SV2C: variants seen among roughly 807,000 people sequenced by gnomAD.
SV2C encodes the protein solute carrier family 22 member B3.
Under a neutral mutation model 79.7 loss-of-function variants are expected in SV2C, and 49 were observed. The observed-to-expected ratio is 0.61, with a 90% confidence interval of 0.49 to 0.78. The LOEUF (loss-of-function observed/expected upper bound fraction) is 0.78, where lower values mean the gene tolerates loss of function less well. SV2C is among the 30% of genes least tolerant of loss of function. The probability of loss-of-function intolerance (pLI) is 0.00; values close to 1 mark genes in which losing one functional copy is unlikely to be tolerated. For synonymous variants in SV2C, 334 were observed against 333.2 expected (o/e 1.00, Z -0.03); for missense variants, 833 against 912.9 (o/e 0.91, Z 1.13).
intron 4 of SV2C, among the ~76,000 whole-genome samples, chr5:76,233,707 T>A (rs1745513284): frequency 6.6e-6 from 1 of 151,402 alleles, no homozygotes; most frequent in Admixed American, 6.5e-5. Context: ...TCATGTGGTT[T>A]TTGTCTTTGG....
At chr5:76,119,008 C>T (rs1748384888) in intron 1 of SV2C, among the ~76,000 whole-genome samples, 2 of 152,090 alleles carry the variant, frequency 1.3e-5, no homozygotes, top group Admixed American at 1.3e-4. Flanking sequence ...GGAAAGACAT[C>T]AAAACTATGT....
chr5:75,948,475 C>A, the SV2C span, among the ~76,000 whole-genome samples: 21 of 151,854 alleles, frequency 1.4e-4, no homozygotes. Context: ...AGGAAAGAGA[C>A]AAGAAAAGAG....
chr5:76,269,927 A>G (rs1746788188), intron 4 of SV2C, among the ~76,000 whole-genome samples: 1 of 152,178 alleles, frequency 6.6e-6, no homozygotes, highest in South Asian at 2.1e-4. Context: ...AGCAGGACCA[A>G]TCATTTCCAC....
intron 4 of SV2C, among the ~76,000 whole-genome samples, chr5:76,230,793 G>GA (rs377572907): frequency 8.1e-5 from 12 of 148,062 alleles, no homozygotes; most frequent in South Asian, 2.1e-4. Flanking sequence ...TGTCTCAGAA[G>GA]AAAAAAAAAG....
chr5:76,175,355 A>G (rs1035811840), intron 2 of SV2C, among the ~76,000 whole-genome samples: 10 of 152,324 alleles, frequency 6.6e-5, no homozygotes, highest in Middle Eastern at 3.4e-3. Flanking sequence ...ATTTTACTCA[A>G]ATGGCCCAGG....
At chr5:76,312,134 G>T (rs1748463610) in intron 12 of SV2C, among the ~76,000 whole-genome samples, 1 of 151,938 alleles carries the variant, frequency 6.6e-6, no homozygotes, top group South Asian at 2.1e-4. Flanking sequence ...GCTCATTCCA[G>T]TTCTAGGTTT....
the SV2C span, among the ~76,000 whole-genome samples, chr5:76,055,006 G>T: frequency 6.6e-6 from 1 of 152,124 alleles, no homozygotes. Flanking sequence ...AGTTTAATTA[G>T]ATCCCATTTG....
At chr5:76,289,164 G>A (rs562008152) in intron 6 of SV2C, among the ~76,000 whole-genome samples, 2 of 152,332 alleles carry the variant, frequency 1.3e-5, no homozygotes, top group South Asian at 4.2e-4. Flanking sequence ...TGGAATTGCA[G>A]ATGTGAGTCA....
chr5:76,234,587 A>T (rs1745552675), intron 4 of SV2C, among the ~76,000 whole-genome samples: 1 of 152,176 alleles, frequency 6.6e-6, no homozygotes, highest in African/African-American at 2.4e-5. Context: ...CATCATAACA[A>T]CCTGATTTCA....
chr5:76,067,860 T>TTC, the SV2C span, among the ~76,000 whole-genome samples: 9 of 152,126 alleles, frequency 5.9e-5, no homozygotes, highest in Admixed American at 1.3e-4. Context: ...ATAAATAGTA[T>TTC]CTTTTCCAAT....
chr5:76,099,875 T>A (rs1451713560), intron 1 of SV2C, among the ~76,000 whole-genome samples: 5 of 152,180 alleles, frequency 3.3e-5, no homozygotes, highest in Non-Finnish European at 5.9e-5. Context: ...GAGAGTGTAT[T>A]TTTTAGGCTC....
At chr5:75,948,174 A>C in the SV2C span, among the ~76,000 whole-genome samples, 3 of 152,042 alleles carry the variant, frequency 2.0e-5, no homozygotes, top group Non-Finnish European at 4.4e-5. Flanking sequence ...CTCCCCAACT[A>C]GGCTGAAAGC....
chr5:76,098,456 C>T lies in SV2C; in HGVS notation c.-102+14944C>T, dbSNP rs546567686. ...GATGCTGCTCAGTGGGCCTTTTTGTCTAAAGCTGGAGTATTGATAAAGGCA... is the reference window on the plus strand; with the variant it reads ...GATGCTGCTCAGTGGGCCTTTTTGTTTAAAGCTGGAGTATTGATAAAGGCA... On this transcript the variant is annotated intron_variant, in intron 1 of 12. Coordinates refer to ENST00000502798, the MANE Select transcript of SV2C (RefSeq NM_014979.4). Among the ~76,000 whole-genome samples, 13 of 152,322 alleles carry T rather than the reference C, an allele frequency of 8.5e-5. No homozygotes were observed. The South Asian group carries it at 2.3e-3, about 27-fold the overall frequency.
chr5:76,185,240 G>C (rs1743876366), intron 2 of SV2C, among the ~76,000 whole-genome samples: 1 of 152,204 alleles, frequency 6.6e-6, no homozygotes, highest in Non-Finnish European at 1.5e-5. Context: ...GGGTACAGTT[G>C]CTGCTTTCAT....
the SV2C span, among the ~76,000 whole-genome samples, chr5:75,862,365 G>A: frequency 6.6e-6 from 1 of 152,180 alleles, no homozygotes; most frequent in Non-Finnish European, 1.5e-5. Context: ...AAACTATGTG[G>A]ACCTAATGCC....
In SV2C at chr5:76,249,485, T is replaced by C. The variant is rs575128061; in HGVS notation, c.914-35677T>C. On this transcript the variant is annotated intron_variant, in intron 4 of 12. Coordinates refer to ENST00000502798, the MANE Select transcript of SV2C (RefSeq NM_014979.4). The stretch of plus-strand genomic sequence containing the variant: ...ATCCATTAAATATTCAACATTGGCT[T>C]TGGAAAATATTGTAGCACTGTAATT... 9.2e-5 allele frequency among the ~76,000 whole-genome samples: 14 copies of C among 152,304 alleles called. No homozygotes were observed. The South Asian group carries it at 2.5e-3, about 27-fold the overall frequency.
rs115648401 is a variant in SV2C at position 76,136,880 on chromosome 5, T to G, written c.580+4550T>G. Among the ~76,000 whole-genome samples, 1,181 of 152,308 alleles carry G rather than the reference T, an allele frequency of 7.8e-3. 11 individuals are homozygous for G. Among genetic ancestry groups the G allele is most frequent in the African/African-American group, 0.026 (1,098 of 41,568 alleles). ...GTGGTAGGCGTAGTAGTGTTGGAGC[T>G]GACAGGTCACATTGTGGATATATTG... is the stretch of plus-strand genomic sequence containing the variant. On this transcript the variant is annotated intron_variant, in intron 2 of 12. Transcript: ENST00000502798.
At chr5:76,078,544 G>A (rs1158835640), upstream of SV2C, 1 of 294,698 alleles carries the variant, frequency 3.4e-6, no homozygotes, top group East Asian at 8.1e-5. Context: ...GACGAACATT[G>A]GTAGACTCAA....
chr5:76,083,923 C>G (rs757981199), intron 1 of SV2C: 3 of 152,284 alleles, frequency 2.0e-5, no homozygotes, highest in African/African-American at 4.8e-5. Context: ...CCTAGAGCCC[C>G]GGGCTGGGTA....
Sources: allele counts gnomAD v4.1 joint callset (sites outside exome capture counted in the v4.1 genomes callset), GRCh38; gene constraint gnomAD v4.1.1; transcripts MANE v1.5; gene names NCBI Gene and HGNC (gene_info 2026-07-23, HGNC 2026-07-21).